GNAI2: variants seen among roughly 807,000 people sequenced by gnomAD.
GNAI2 encodes the protein G protein subunit alpha i2.
In GNAI2, 4 loss-of-function variants were observed where a neutral mutation model predicts 36.8. That is an observed-to-expected ratio of 0.11 (90% CI 0.05 to 0.25). The LOEUF is 0.25. Ranked by LOEUF, GNAI2 falls within the 10% of genes least tolerant of loss-of-function variation. The pLI, the probability that GNAI2 is intolerant of heterozygous loss-of-function variation, is 1.00. For synonymous variants in GNAI2, 194 were observed against 194.1 expected (o/e 1.00, Z 0.01); for missense variants, 230 against 481.3 (o/e 0.48, Z 4.89).
At chr3:50,240,936 A>G (rs1575442036) in intron 1 of GNAI2, among the ~76,000 whole-genome samples, 2 of 111,830 alleles carry the variant, frequency 1.8e-5, no homozygotes, top group African/African-American at 5.6e-5. Context: ...AAAAAAAAAA[A>G]GAAAAAAAAA....
intron 5 of GNAI2, 89 bp downstream of exon 5, chr3:50,256,409 C>T: frequency 1.6e-6 from 2 of 1,265,638 alleles, no homozygotes; most frequent in Non-Finnish European, 2.3e-6. Context: ...TCCCCCAGCC[C>T]CACTGAGGTT....
rs1553703075 is a variant in GNAI2 at position 50,255,793 on chromosome 3, G to A, written c.465-399G>A. Among the ~76,000 whole-genome samples the A allele has an allele frequency of 6.6e-6, 1 of 152,014 alleles. No homozygotes were observed. Among genetic ancestry groups the A allele is most frequent in the African/African-American group, 2.4e-5 (1 of 41,384 alleles). On this transcript the variant is annotated intron_variant, in intron 4 of 8. Transcript: ENST00000313601. The surrounding 1 kb of genome is among the most constrained non-coding windows in gnomAD (Gnocchi z 4.0). ...AGGCCAGGCGCAGTGGCTCACGCCT[G>A]TAATCCCAGCACTCTGGGAGGCCGA...
At chr3:50,251,650 G>A (rs1700559895) in intron 1 of GNAI2, 1 of 1,332,904 alleles carries the variant, frequency 7.5e-7, no homozygotes, top group Non-Finnish European at 9.9e-7. Context: ...AGTGTGGGGA[G>A]AAGAAGGGCT....
intron 1 of GNAI2, chr3:50,246,930 C>G: frequency 6.1e-6 from 9 of 1,466,568 alleles, no homozygotes; most frequent in Non-Finnish European, 6.3e-6. Flanking sequence ...ATGCTGAGTC[C>G]CAGCAGGGAA....
At chr3:50,247,139 C>T (rs1559770569) in intron 1 of GNAI2, 1 of 702,134 alleles carries the variant, frequency 1.4e-6, no homozygotes, top group Non-Finnish European at 2.6e-6. Context: ...CCTGAATGCT[C>T]ACATGTGCCC....
At chr3:50,257,747 G>T in intron 8 of GNAI2, 33 bp downstream of exon 8, 1 of 1,002,338 alleles carries the variant, frequency 1.0e-6, no homozygotes, top group Non-Finnish European at 1.3e-6. Context: ...GGGTGCTGGG[G>T]AAGAACTAAG....
upstream of GNAI2, among the ~76,000 whole-genome samples, chr3:50,228,853 G>A (rs114174639): frequency 9.7e-3 from 1,484 of 152,260 alleles, 21 homozygotes; most frequent in African/African-American, 0.034. Context: ...GGCCTTGATC[G>A]CAGTATTTGC....
At position 50,255,543 on chromosome 3, in the gene GNAI2, C is replaced by T. The variant is rs932584505; in HGVS notation, c.465-649C>T. Among the ~76,000 whole-genome samples the T allele has an allele frequency of 1.3e-5, 2 of 152,204 alleles. No individual in the cohort carries two copies. The highest frequency in any genetic ancestry group is 2.9e-5 in the Non-Finnish European group (2 of 68,046). On this transcript the variant is annotated intron_variant, in intron 4 of 8. Coordinates refer to ENST00000313601, the MANE Select transcript of GNAI2 (RefSeq NM_002070.4). This position sits in a 1 kb window ranked among gnomAD's most constrained non-coding sequence, Gnocchi z 4.0. ...AATCCTTCACCGAAGGACTAATTTG[C>T]CTCCTCCCACCCTCTTTGCCTATAG...
rs1244183686 is a variant in GNAI2, at chr3:50,258,813, C to T, written c.*470C>T. The T allele has an allele frequency of 9.6e-6, 4 of 414,720 alleles. No homozygotes were observed. The Admixed American group carries it at 9.8e-5, about 10-fold the overall frequency. The allele number at this position is 414,720 out of a possible 1,614,324, so 25.7% of individuals were successfully genotyped here. On this transcript the variant is annotated 3_prime_UTR_variant, in exon 9 of 9. Transcript: ENST00000313601. ...CGCTCGGAGGCCCCAAAGGAAAAAG[C>T]ACAAGAAGCGTGAGACGCCACCATT...
At position 50,236,540 on chromosome 3, in the gene GNAI2, C is replaced by G; in HGVS notation, c.118+87C>G. The G allele has an allele frequency of 6.7e-7, 1 of 1,490,896 alleles. No individual in the cohort carries two copies. Among genetic ancestry groups the G allele is most frequent in the Non-Finnish European group, 8.9e-7 (1 of 1,127,842 alleles). 92.4% of individuals were successfully genotyped at this position (1,490,896 alleles called of 1,614,324 possible). ...TGACCTCCCAGACTAGGGCTTCAAA[C>G]TCCCAGACCCGGGCTGTCTGGGACC... On this transcript the variant is annotated intron_variant, in intron 1 of 8. Coordinates refer to ENST00000313601, the MANE Select transcript of GNAI2 (RefSeq NM_002070.4). The surrounding 1 kb of genome is among the most constrained non-coding windows in gnomAD (Gnocchi z 4.0).
At position 50,259,232 on chromosome 3, in the gene GNAI2, C is replaced by T. The variant is rs1700795207; in HGVS notation, c.*889C>T. On this transcript the variant is annotated 3_prime_UTR_variant, in exon 9 of 9. Coordinates refer to ENST00000313601, the MANE Select transcript of GNAI2 (RefSeq NM_002070.4). ...ACCGCCGCTGCCTGCTGGGGGGCCA[C>T]GCCCCTCATGCCCTTGTCCCAGGCC... The T allele has an allele frequency of 1.4e-5, 3 of 211,134 alleles. No individual in the cohort carries two copies. Among genetic ancestry groups the T allele is most frequent in the South Asian group, 1.2e-4 (2 of 16,572 alleles). 13.1% of individuals were successfully genotyped at this position (211,134 alleles called of 1,614,324 possible).
chr3:50,257,909 T>A (rs1575458529), intron 8 of GNAI2, 195 bp downstream of exon 8: 1 of 487,102 alleles, frequency 2.1e-6, no homozygotes, highest in Admixed American at 3.7e-5. Context: ...ATGGAGGAGG[T>A]CATACAAGCA....
rs1700223178 is a variant in GNAI2 at position 50,238,112 on chromosome 3, T to A, written c.118+1659T>A. The A allele has an allele frequency of 6.6e-6, 1 of 152,230 alleles. No individual in the cohort carries two copies. Among genetic ancestry groups the A allele is most frequent in the African/African-American group, 2.4e-5 (1 of 41,454 alleles). 9.4% of individuals were successfully genotyped at this position (152,230 alleles called of 1,614,324 possible). On this transcript the variant is annotated intron_variant, in intron 1 of 8. Transcript: ENST00000313601. This position sits in a 1 kb window ranked among gnomAD's most constrained non-coding sequence, Gnocchi z 5.0. ...GGCGCTTGCCTCTTCCTGTCTCTGC[T>A]GTGAGTGCGGCAGCGGCAGTGAGTG... is the stretch of plus-strand genomic sequence containing the variant.
chr3:50,246,960 G>A, intron 1 of GNAI2: 1 of 1,507,122 alleles, frequency 6.6e-7, no homozygotes, highest in South Asian at 1.2e-5. Flanking sequence ...CTCTGAATCA[G>A]CCTGTTAGCC....
chr3:50,236,301 G>A lies in GNAI2; in HGVS notation c.-35G>A. ...GCCGAGCCGGGCCGTGGGCCGTGTG[G>A]GGGCCGGGCGGCGGCCGGGCCGGCG... is the stretch of plus-strand genomic sequence containing the variant. On this transcript the variant is annotated 5_prime_UTR_variant, in exon 1 of 9. Coordinates refer to ENST00000313601, the MANE Select transcript of GNAI2 (RefSeq NM_002070.4). The surrounding 1 kb of genome is among the most constrained non-coding windows in gnomAD (Gnocchi z 4.0). 1 of 1,330,648 alleles carries A rather than the reference G, an allele frequency of 7.5e-7. No homozygotes were observed. The highest frequency in any genetic ancestry group is 9.6e-7 in the Non-Finnish European group (1 of 1,042,228). The allele number at this position is 1,330,648 out of a possible 1,614,324, so 82.4% of individuals were successfully genotyped here. A position where few individuals can be genotyped will look rare whatever the true frequency, so the allele number is the denominator to read the frequency against.
rs190695686 is a variant in GNAI2 at position 50,253,605 on chromosome 3, G to A, written c.464+421G>A. 4.6e-5 allele frequency among the ~76,000 whole-genome samples: 7 copies of A among 152,284 alleles called. No individual in the cohort carries two copies. The highest frequency in any genetic ancestry group is 2.6e-4 in the Admixed American group (4 of 15,298). On this transcript the variant is annotated intron_variant, in intron 4 of 8. Transcript: ENST00000313601. The surrounding 1 kb of genome is among the most constrained non-coding windows in gnomAD (Gnocchi z 4.2). ...TAAAAATACAAAAAATTAGCCGGGCGTGGTGGAGGGCGCCTGTAGTCCCAG... is the reference window on the plus strand; with the variant it reads ...TAAAAATACAAAAAATTAGCCGGGCATGGTGGAGGGCGCCTGTAGTCCCAG...
At chr3:50,231,074 C>T in intron 1 of GNAI2, 1 of 307,666 alleles carries the variant, frequency 3.3e-6, no homozygotes, top group South Asian at 1.3e-4. Context: ...ACCTACCACC[C>T]TACCTTTGCA....
chr3:50,242,192 A>C lies in GNAI2; in HGVS notation c.118+5739A>C. Among the ~76,000 whole-genome samples, 1 of 150,184 alleles carries C rather than the reference A, an allele frequency of 6.7e-6. No individual in the cohort carries two copies. Among genetic ancestry groups the C allele is most frequent in the South Asian group, 2.1e-4 (1 of 4,724 alleles). Reference sequence around the variant, plus strand: ...GCTCTTAGCCACTGAGGAACCAGGGACTCCCCCCACCCCACCCACAGCAGA... The same window carrying C: ...GCTCTTAGCCACTGAGGAACCAGGGCCTCCCCCCACCCCACCCACAGCAGA... On this transcript the variant is annotated intron_variant, in intron 1 of 8. Coordinates refer to ENST00000313601, the MANE Select transcript of GNAI2 (RefSeq NM_002070.4). The surrounding 1 kb of genome is among the most constrained non-coding windows in gnomAD (Gnocchi z 4.8).
At chr3:50,235,004 C>G (rs886715296), upstream of GNAI2, among the ~76,000 whole-genome samples, 8 of 152,168 alleles carry the variant, frequency 5.3e-5, no homozygotes, top group Non-Finnish European at 8.8e-5. Flanking sequence ...CACCTCCAGA[C>G]GTGGACAGGC....
Sources: allele counts gnomAD v4.1 joint callset (sites outside exome capture counted in the v4.1 genomes callset), GRCh38; gene constraint gnomAD v4.1.1; non-coding constraint Gnocchi (gnomAD v3.1); transcripts MANE v1.5; gene names NCBI Gene and HGNC (gene_info 2026-07-23, HGNC 2026-07-21).